NPHP1: variants seen among roughly 807,000 people sequenced by gnomAD.
NPHP1 encodes the protein nephrocystin 1.
In NPHP1, 70 loss-of-function variants were observed where a neutral mutation model predicts 90.4. The ratio of observed to expected loss-of-function variants is 0.77; its 90% CI spans 0.64 to 0.95. The LOEUF (loss-of-function observed/expected upper bound fraction) is 0.95. Among genes scored for constraint, NPHP1 ranks in the 40% least tolerant of loss-of-function variants. The probability of loss-of-function intolerance (pLI) is 0.00; values close to 1 mark genes in which losing one functional copy is unlikely to be tolerated. For missense variants in NPHP1, 764 were observed against 795.9 expected (o/e 0.96, Z 0.48); for synonymous variants, 256 against 271.7 (o/e 0.94, Z 0.57).
chr2:110,181,748 A>C (rs1413566766), intron 2 of NPHP1, among the ~76,000 whole-genome samples: 1 of 152,162 alleles, frequency 6.6e-6, no homozygotes, highest in Non-Finnish European at 1.5e-5. Context: ...AATGACCACA[A>C]CACCACTCCA....
chr2:110,204,263 G>A (rs760513651), intron 1 of NPHP1, among the ~76,000 whole-genome samples: 11 of 152,168 alleles, frequency 7.2e-5, no homozygotes, highest in Non-Finnish European at 1.3e-4. Context: ...TCAAGACAGA[G>A]TGTTGTGATT....
At chr2:110,133,505 G>C (rs1037111433) in intron 16 of NPHP1, among the ~76,000 whole-genome samples, 23 of 152,044 alleles carry the variant, frequency 1.5e-4, no homozygotes, top group Non-Finnish European at 3.1e-4. Context: ...TGAAACAGAA[G>C]ATCAATAACA....
At position 110,189,415 on chromosome 2, in the gene NPHP1, G is replaced by A. The variant is rs538769359; in HGVS notation, c.144-9731C>T. Among the ~76,000 whole-genome samples the A allele has an allele frequency of 1.2e-3, 179 of 152,002 alleles. 1 individual carries two copies. The highest frequency in any genetic ancestry group is 4.1e-3 in the African/African-American group (172 of 41,456). On this transcript the variant is annotated intron_variant, in intron 2 of 19. Coordinates refer to ENST00000445609, the MANE Select transcript of NPHP1 (RefSeq NM_001128178.3). ...CGGTGAGTGTTACAGCTCTTAAGGC[G>A]GCACGTCTGGAGTTGTTCATTCCTC...
chr2:110,174,234 AT>A lies in NPHP1; in HGVS notation c.329+4188del, dbSNP rs1683356463. Among the ~76,000 whole-genome samples the A allele has an allele frequency of 2.0e-5, 3 of 152,224 alleles. No individual in the cohort carries two copies. The South Asian group carries it at 6.2e-4, about 32-fold the overall frequency. Reference sequence around the variant, plus strand: ...TACTCCATTTACATTTAATGTAACTATCCAAATGGCTGCATTGAAACCATAT... The same window carrying A: ...TACTCCATTTACATTTAATGTAACTACCAAATGGCTGCATTGAAACCATAT... On this transcript the variant is annotated intron_variant, in intron 4 of 19. Transcript: ENST00000445609.
intron 10 of NPHP1, 133 bp from the exon 11 acceptor site, chr2:110,160,388 G>A (rs1682224251): frequency 3.1e-6 from 2 of 634,938 alleles, no homozygotes; most frequent in East Asian, 2.8e-5. Flanking sequence ...TACAATAAAA[G>A]TTTCAATACT....
rs58690581 is a variant in NPHP1, at chr2:110,129,646, T to C, written c.1643-387A>G. Among the ~76,000 whole-genome samples, 145 of 152,174 alleles carry C rather than the reference T, an allele frequency of 9.5e-4. 1 individual carries two copies. The East Asian group carries it at 0.015, about 16-fold the overall frequency. ...GAGACTGAGCAGAAACTAGGAAGCA[T>C]TGGGGGGAAAGGAGACAGAGGACCT... On this transcript the variant is annotated intron_variant, in intron 17 of 19. Transcript: ENST00000445609.
chr2:110,129,424 C>T (rs1559044088), intron 17 of NPHP1, among the ~76,000 whole-genome samples, 165 bp from the exon 18 acceptor site: 1 of 152,192 alleles, frequency 6.6e-6, no homozygotes, highest in East Asian at 1.9e-4. Context: ...GTCCCTTCAA[C>T]CTTCATTTGC....
At chr2:110,184,497 T>C in intron 2 of NPHP1, 1 of 1,013,306 alleles carries the variant, frequency 9.9e-7, no homozygotes. Flanking sequence ...GCTCAGCCTT[T>C]ATGCCACAGG....
In NPHP1 at chr2:110,170,709, AAATC is replaced by A. The variant is rs1683064809; in HGVS notation, c.330-715_330-712del. ...GTAGAGGTATACACAGGATACTAAG[AAATC>A]AATCACACAAGAGGGACACCTAACC... is the stretch of plus-strand genomic sequence containing the variant. On this transcript the variant is annotated intron_variant, in intron 4 of 19. Transcript: ENST00000445609. 2.0e-5 allele frequency among the ~76,000 whole-genome samples: 3 copies of A among 152,294 alleles called. No homozygotes were observed. The South Asian group carries it at 6.2e-4, about 32-fold the overall frequency.
Position 110,185,061 on chromosome 2 carries a change from T to G in NPHP1, c.144-5377A>C, listed in dbSNP as rs796450010. On this transcript the variant is annotated intron_variant, in intron 2 of 19. Coordinates refer to ENST00000445609, the MANE Select transcript of NPHP1 (RefSeq NM_001128178.3). ...AGGATATTTGCACCTCAGGAGAGAC[T>G]GTATTCCACGTGGATTGAGGGCTCT... 6 of 597,970 alleles carry G rather than the reference T, an allele frequency of 1.0e-5. No individual in the cohort carries two copies. The African/African-American group carries it at 1.1e-4, about 11-fold the overall frequency. 37.0% of individuals were successfully genotyped at this position (597,970 alleles called of 1,614,324 possible).
intron 16 of NPHP1, among the ~76,000 whole-genome samples, chr2:110,139,394 T>C (rs1040052853): frequency 2.6e-5 from 4 of 152,084 alleles, no homozygotes; most frequent in African/African-American, 9.7e-5. Flanking sequence ...AAAAGACAAA[T>C]CTTGGTGAAA....
At chr2:110,172,691 A>G (rs1683224603) in intron 4 of NPHP1, among the ~76,000 whole-genome samples, 1 of 152,012 alleles carries the variant, frequency 6.6e-6, no homozygotes, top group African/African-American at 2.4e-5. Flanking sequence ...GCGGAGGTGG[A>G]GAGGATCACT....
chr2:110,149,896 A>T (rs1051766912), intron 12 of NPHP1, among the ~76,000 whole-genome samples: 2 of 152,138 alleles, frequency 1.3e-5, no homozygotes, highest in African/African-American at 4.8e-5. Flanking sequence ...GGAAGATTTC[A>T]TCTTTGAAAA....
At chr2:110,146,096 A>T (rs534785256) in intron 14 of NPHP1, among the ~76,000 whole-genome samples, 3 of 152,302 alleles carry the variant, frequency 2.0e-5, no homozygotes, top group Admixed American at 1.3e-4. Context: ...CCAAAATTTT[A>T]TAATCCAAAT....
chr2:110,158,549 T>C (rs2104536792), intron 11 of NPHP1, among the ~76,000 whole-genome samples: 1 of 152,206 alleles, frequency 6.6e-6, no homozygotes, highest in African/African-American at 2.4e-5. Context: ...GAACGATCTC[T>C]TTTATCACTA....
At chr2:110,203,459 C>T (rs1347660183) in intron 1 of NPHP1, among the ~76,000 whole-genome samples, 3 of 152,054 alleles carry the variant, frequency 2.0e-5, no homozygotes, top group South Asian at 2.1e-4. Flanking sequence ...TAAGATCCAC[C>T]GAAGTTCAGC....
chr2:110,153,811 A>T (rs1574104587), intron 11 of NPHP1, among the ~76,000 whole-genome samples: 1 of 151,998 alleles, frequency 6.6e-6, no homozygotes, highest in African/African-American at 2.4e-5. Flanking sequence ...GTGAAACCCC[A>T]TCTCTACTAA....
At chr2:110,162,534 T>C (rs1682421288) in intron 9 of NPHP1, among the ~76,000 whole-genome samples, 1 of 152,076 alleles carries the variant, frequency 6.6e-6, no homozygotes, top group Non-Finnish European at 1.5e-5. Flanking sequence ...TGAATCCTCT[T>C]TAAAATGAGC....
chr2:110,174,991 T>C (rs943205386), intron 4 of NPHP1, among the ~76,000 whole-genome samples: 2 of 152,070 alleles, frequency 1.3e-5, no homozygotes, highest in African/African-American at 4.8e-5. Flanking sequence ...GAATTCAATG[T>C]TAATGAATCA....
Sources: gnomAD v4.1 joint callset for allele counts (sites outside exome capture counted in the v4.1 genomes callset) on GRCh38, gnomAD v4.1.1 for gene constraint, MANE v1.5 for transcripts, NCBI Gene and HGNC (gene_info 2026-07-23, HGNC 2026-07-21) for gene names.